Variants in TRDN observed in about 807,000 individuals in gnomAD.
The protein encoded by TRDN is triadin.
Under a neutral mutation model 149.7 loss-of-function variants are expected in TRDN, and 161 were observed. The ratio of observed to expected loss-of-function variants is 1.08; its 90% CI spans 0.95 to 1.23. The LOEUF (loss-of-function observed/expected upper bound fraction) is 1.23. Ranked by LOEUF, TRDN falls within the 50% of genes most tolerant of loss-of-function variation. TRDN has a pLI of 0.00. For synonymous variants in TRDN, 294 were observed against 250.5 expected (o/e 1.17, Z -1.64); for missense variants, 896 against 823.5 (o/e 1.09, Z -1.08).
intron 19 of TRDN, among the ~76,000 whole-genome samples, chr6:123,369,899 G>A (rs1781257552): frequency 6.6e-6 from 1 of 151,976 alleles, no homozygotes; most frequent in South Asian, 2.1e-4. Flanking sequence ...CTTTCACAAT[G>A]TCTCATGTCA....
intron 2 of TRDN, among the ~76,000 whole-genome samples, chr6:123,559,665 G>A (rs577681040): frequency 1.3e-5 from 2 of 152,042 alleles, no homozygotes; most frequent in Non-Finnish European, 2.9e-5. Flanking sequence ...GTTATCTCTC[G>A]CCTGCTACAG....
chr6:123,256,811 TCTTTA>T (rs1289657578), intron 35 of TRDN, among the ~76,000 whole-genome samples: 1 of 152,082 alleles, frequency 6.6e-6, no homozygotes, highest in Non-Finnish European at 1.5e-5. Flanking sequence ...GTGCAGAAGC[TCTTTA>T]CTTTAATTAG....
At chr6:123,513,297 C>A (rs1449544678) in intron 6 of TRDN, among the ~76,000 whole-genome samples, 6 of 152,298 alleles carry the variant, frequency 3.9e-5, no homozygotes, top group African/African-American at 7.2e-5. Flanking sequence ...ATTATAATAA[C>A]ATATCTCCTA....
At chr6:123,275,372 A>G (rs1180165153) in intron 26 of TRDN, among the ~76,000 whole-genome samples, 2 of 152,162 alleles carry the variant, frequency 1.3e-5, no homozygotes, top group Non-Finnish European at 2.9e-5. Context: ...GATTGAAGTC[A>G]TATATCTTCA....
intron 12 of TRDN, among the ~76,000 whole-genome samples, chr6:123,411,072 A>T (rs1364661839): frequency 6.9e-6 from 1 of 144,286 alleles, no homozygotes; most frequent in Admixed American, 7.1e-5. Flanking sequence ...TTTGAGTCAG[A>T]GTCTCGCTCT....
chr6:123,464,398 G>C, intron 10 of TRDN: 1 of 959,752 alleles, frequency 1.0e-6, no homozygotes, highest in Non-Finnish European at 1.2e-6. Context: ...GAGTGTGTGT[G>C]TATATATATA....
chr6:123,304,543 C>A (rs527618134), intron 24 of TRDN, among the ~76,000 whole-genome samples: 4 of 152,102 alleles, frequency 2.6e-5, no homozygotes, highest in South Asian at 2.1e-4. Context: ...TGAGACACTG[C>A]GCCCGGCTTA....
At chr6:123,416,031 C>G (rs1375098529) in intron 12 of TRDN, among the ~76,000 whole-genome samples, 1 of 152,090 alleles carries the variant, frequency 6.6e-6, no homozygotes, top group Non-Finnish European at 1.5e-5. Flanking sequence ...ACGTTCACAA[C>G]TACGACCACC....
At chr6:123,380,713 G>T (rs1367675) in intron 16 of TRDN, among the ~76,000 whole-genome samples, 120,791 of 142,490 alleles carry the variant, frequency 0.85, 50,150 homozygotes, top group East Asian at 0.92. Context: ...TAAGTTCAAG[G>T]GTTTTTTTTT....
intron 19 of TRDN, among the ~76,000 whole-genome samples, chr6:123,372,638 T>A (rs1160510100): frequency 1.3e-5 from 2 of 152,116 alleles, no homozygotes; most frequent in Non-Finnish European, 2.9e-5. Context: ...AAAATAGTGA[T>A]CCTTGATGTG....
chr6:123,492,570 G>C (rs932752220), intron 9 of TRDN, among the ~76,000 whole-genome samples: 1 of 151,964 alleles, frequency 6.6e-6, no homozygotes, highest in African/African-American at 2.4e-5. Context: ...ATCCTGATGT[G>C]TTTTCTTAAA....
intron 12 of TRDN, among the ~76,000 whole-genome samples, chr6:123,405,585 G>T (rs556181377): frequency 1.3e-5 from 2 of 152,260 alleles, no homozygotes; most frequent in African/African-American, 4.8e-5. Flanking sequence ...AACACAATTG[G>T]TTTCTGTATT....
chr6:123,570,890 T>A, intron 2 of TRDN, 33 bp downstream of exon 2: 1 of 1,599,258 alleles, frequency 6.3e-7, no homozygotes, highest in Non-Finnish European at 8.6e-7. Flanking sequence ...TTGAATTAAT[T>A]TTAATTTTAA....
At chr6:123,474,212 G>T (rs1777340107) in intron 9 of TRDN, among the ~76,000 whole-genome samples, 1 of 151,952 alleles carries the variant, frequency 6.6e-6, no homozygotes, top group Admixed American at 6.6e-5. Context: ...CATATGCAGA[G>T]ACACACATAG....
At chr6:123,531,539 G>A (rs1364406051) in intron 4 of TRDN, among the ~76,000 whole-genome samples, 3 of 152,020 alleles carry the variant, frequency 2.0e-5, no homozygotes, top group African/African-American at 7.2e-5. Flanking sequence ...CTGTTAAGGA[G>A]GTAACCACCA....
At chr6:123,243,079 T>C (rs1471906050) in intron 38 of TRDN, among the ~76,000 whole-genome samples, 2 of 151,980 alleles carry the variant, frequency 1.3e-5, no homozygotes, top group Non-Finnish European at 2.9e-5. Flanking sequence ...CGAAGACAAA[T>C]TCCACTGTTG....
At chr6:123,498,606 C>T (rs781773445) in intron 8 of TRDN, 3 of 470,848 alleles carry the variant, frequency 6.4e-6, no homozygotes, top group Non-Finnish European at 4.4e-6. Context: ...GATGTACTGG[C>T]AGTAATAGCT....
chr6:123,292,102 G>A (rs146619369), intron 24 of TRDN, among the ~76,000 whole-genome samples: 2 of 152,266 alleles, frequency 1.3e-5, no homozygotes, highest in East Asian at 1.9e-4. Context: ...ATTCCCTTCG[G>A]CCCATGGATC....
chr6:123,573,338 A>C (rs1782672106), intron 1 of TRDN, among the ~76,000 whole-genome samples: 1 of 152,020 alleles, frequency 6.6e-6, no homozygotes, highest in South Asian at 2.1e-4. Context: ...TCATTTAATA[A>C]ATGACAATAC....
Sources: gnomAD v4.1 joint callset for allele counts (sites outside exome capture counted in the v4.1 genomes callset) on GRCh38, gnomAD v4.1.1 for gene constraint, MANE v1.5 for transcripts, NCBI Gene and HGNC (gene_info 2026-07-23, HGNC 2026-07-21) for gene names.